NRP2: variants seen among roughly 807,000 people sequenced by gnomAD.
NRP2 encodes neuropilin 2, also known as neuropilin-2.
Under a neutral mutation model 110.4 loss-of-function variants are expected in NRP2, and 52 were observed. That is an observed-to-expected ratio of 0.47 (90% CI 0.38 to 0.59). The LOEUF (loss-of-function observed/expected upper bound fraction) is 0.59. Ranked by LOEUF, NRP2 falls within the 20% of genes least tolerant of loss-of-function variation. The pLI, the probability that NRP2 is intolerant of heterozygous loss-of-function variation, is 0.00. For missense variants in NRP2, 1,049 were observed against 1,203.0 expected (o/e 0.87, Z 1.89); for synonymous variants, 508 against 468.9 (o/e 1.08, Z -1.08).
At chr2:205,702,771 G>T (rs371887909) in intron 2 of NRP2, among the ~76,000 whole-genome samples, 1 of 152,120 alleles carries the variant, frequency 6.6e-6, no homozygotes, top group Non-Finnish European at 1.5e-5. Context: ...AAACACCCTC[G>T]ATTCCCTGCA....
chr2:205,781,451 C>A (rs1206375703), intron 15 of NRP2, among the ~76,000 whole-genome samples: 1 of 152,254 alleles, frequency 6.6e-6, no homozygotes, highest in African/African-American at 2.4e-5. Context: ...CCCACTGCCC[C>A]CCTAGCTCAG....
At chr2:205,780,226 A>G (rs894423603) in intron 15 of NRP2, among the ~76,000 whole-genome samples, 1 of 152,204 alleles carries the variant, frequency 6.6e-6, no homozygotes, top group Non-Finnish European at 1.5e-5. Context: ...GGGAACTTGT[A>G]GCATGTTCAG....
At chr2:205,712,451 T>A (rs1361818933) in intron 2 of NRP2, among the ~76,000 whole-genome samples, 1 of 152,078 alleles carries the variant, frequency 6.6e-6, no homozygotes, top group East Asian at 1.9e-4. Context: ...GAGCTCTGAG[T>A]CTGTACCCCG....
Position 205,697,593 on chromosome 2 carries a change from C to T in NRP2, c.123C>T (p.Thr41=), listed in dbSNP as rs2228643. ...ATTCCAAAGATGCTGGCTATATCAC[C>T]TCTCCCGGTTACCCCCAGGACTACC... ...RLNSKDAGYI[T]SPGYPQDYPS... Residue 41 remains threonine (T), a synonymous_variant, in exon 2 of 17, where the codon ACC becomes ACT. Transcript: ENST00000357785. The T allele has an allele frequency of 3.8e-3, 6,203 of 1,613,984 alleles. 204 individuals are homozygous for T. The African/African-American group carries it at 0.07, about 18-fold the overall frequency.
chr2:205,690,942 C>T (rs2056301774), intron 1 of NRP2, among the ~76,000 whole-genome samples: 1 of 152,162 alleles, frequency 6.6e-6, no homozygotes, highest in Non-Finnish European at 1.5e-5. Context: ...TCTCAATTCA[C>T]CACTAAGAAA....
At chr2:205,766,834 T>A (rs1188595108) in intron 15 of NRP2, 31 bp downstream of exon 15, 1 of 1,603,730 alleles carries the variant, frequency 6.2e-7, no homozygotes, top group East Asian at 2.2e-5. Flanking sequence ...AAAAAATTTT[T>A]TTTTTGCATG....
At chr2:205,771,222 C>T (rs961294963) in intron 15 of NRP2, among the ~76,000 whole-genome samples, 1 of 152,198 alleles carries the variant, frequency 6.6e-6, no homozygotes, top group African/African-American at 2.4e-5. Flanking sequence ...CGGCGCCTCC[C>T]GCCACACCAT....
chr2:205,722,483 G>A lies in NRP2; in HGVS notation c.439G>A (p.Glu147Lys), dbSNP rs756875233. 6.2e-7 allele frequency: 1 copy of A among 1,613,804 alleles called. No homozygotes were observed. The highest frequency in any genetic ancestry group is 8.5e-7 in the Non-Finnish European group (1 of 1,179,668). ...CAGTTCTCTTTTACATACAGGCTCT[G>A]AAGATTGCTCAAAAAACTTCACAAG... ...LRYEIFKTGS[E>K]DCSKNFTSPN... The change falls in exon 4 of 17, where the codon GAA becomes AAA. Residue 147 changes from glutamate to lysine, a missense_variant. Physicochemically the swap from Glu to Lys is moderately conservative, Grantham distance 56. Coordinates refer to ENST00000357785, the MANE Select transcript of NRP2 (RefSeq NM_003872.3).
chr2:205,727,901 G>A lies in NRP2; in HGVS notation c.1001G>A (p.Arg334His), dbSNP rs769522962. 8.7e-6 allele frequency: 14 copies of A among 1,613,450 alleles called. No individual in the cohort carries two copies. In the East Asian group the frequency reaches 8.9e-5, roughly 10 times the overall value. ...SNKEYLQVDL[R>H]FLTMLTAIAT... ...CCCTCTATTCCCCAGGTGGACCTGC[G>A]CTTTTTAACCATGCTCACGGCCATC... Residue 334 changes from arginine (R) to histidine (H), a missense_variant, in exon 7 of 17, where the codon CGC (arginine) becomes CAC (histidine). Coordinates refer to ENST00000357785, the MANE Select transcript of NRP2 (RefSeq NM_003872.3).
At chr2:205,718,365 A>G (rs1340107137) in intron 3 of NRP2, among the ~76,000 whole-genome samples, 1 of 152,240 alleles carries the variant, frequency 6.6e-6, no homozygotes, top group Non-Finnish European at 1.5e-5. Flanking sequence ...TGTCTTGAGG[A>G]CATGCTGAAG....
intron 15 of NRP2, among the ~76,000 whole-genome samples, chr2:205,784,119 A>G (rs1179596627): frequency 6.6e-6 from 1 of 152,200 alleles, no homozygotes; most frequent in Non-Finnish European, 1.5e-5. Context: ...CAGAATTGGA[A>G]TGATAGTATA....
intron 2 of NRP2, among the ~76,000 whole-genome samples, chr2:205,704,418 C>A (rs2056631004): frequency 6.6e-6 from 1 of 152,216 alleles, no homozygotes; most frequent in African/African-American, 2.4e-5. Flanking sequence ...TGCCCAACCA[C>A]AGAAATATTC....
chr2:205,755,745 T>TG (rs1349298740), intron 12 of NRP2, among the ~76,000 whole-genome samples: 1 of 152,046 alleles, frequency 6.6e-6, no homozygotes. Context: ...GCCTGTTGTG[T>TG]GCCACACTTT....
chr2:205,733,134 C>T (rs2057273253), intron 7 of NRP2, among the ~76,000 whole-genome samples: 1 of 152,120 alleles, frequency 6.6e-6, no homozygotes, highest in Admixed American at 6.5e-5. Flanking sequence ...ATCCATTTGC[C>T]ATGGGATGAG....
At position 205,752,822 on chromosome 2, in the gene NRP2, T is replaced by C; in HGVS notation, c.1904-13T>C. ...CATTTGCCTTCCTTTGGGTTATTGT[T>C]TTCCCCTTTTAGACAAAGATTTGCA... On this transcript the variant is annotated splice_polypyrimidine_tract_variant and intron_variant, in intron 11 of 16. Transcript: ENST00000357785. 2 of 1,614,084 alleles carry C rather than the reference T, an allele frequency of 1.2e-6. No individual in the cohort carries two copies. Among genetic ancestry groups the C allele is most frequent in the Non-Finnish European group, 1.7e-6 (2 of 1,179,964 alleles).
At position 205,776,521 on chromosome 2, in the gene NRP2, T is replaced by TA. The variant is rs200483574; in HGVS notation, c.2425+9718_2425+9719insA. The TA allele has an allele frequency of 0.044, 71,214 of 1,605,094 alleles. 1,731 individuals are homozygous for TA. Among genetic ancestry groups the TA allele is most frequent in the Middle Eastern group, 0.09 (548 of 6,062 alleles). On this transcript the variant is annotated intron_variant, in intron 15 of 16. Transcript: ENST00000357785. ...GCTAGAGCAAGACCGTGGCTCGCAC[T>TA]GCTGAGGGCCGAAGCAAGAACAGCA...
intron 15 of NRP2, among the ~76,000 whole-genome samples, chr2:205,785,549 G>A (rs2058226937): frequency 6.6e-6 from 1 of 152,212 alleles, no homozygotes; most frequent in Admixed American, 6.5e-5. Context: ...GAGAATAGCT[G>A]ATTTTTCAAA....
At chr2:205,792,498 A>T (rs1467465717) in intron 16 of NRP2, among the ~76,000 whole-genome samples, 4 of 152,236 alleles carry the variant, frequency 2.6e-5, no homozygotes, top group African/African-American at 9.6e-5. Context: ...TCCTCTGCCT[A>T]ATCTGAAACA....
intron 11 of NRP2, among the ~76,000 whole-genome samples, chr2:205,750,105 A>G (rs1325740253): frequency 6.6e-6 from 1 of 152,250 alleles, no homozygotes; most frequent in Non-Finnish European, 1.5e-5. Context: ...GACTCCAAAG[A>G]GAACTCCTCT....
Sources: gnomAD v4.1 joint callset for allele counts (sites outside exome capture counted in the v4.1 genomes callset) on GRCh38, gnomAD v4.1.1 for gene constraint, MANE v1.5 for transcripts, NCBI Gene and HGNC (gene_info 2026-07-23, HGNC 2026-07-21) for gene names.